Variants in AKR1C3 observed in about 807,000 individuals in gnomAD.
AKR1C3 encodes the protein aldo-keto reductase family 1 member C3, also known as 3-alpha hydroxysteroid dehydrogenase, type II.
Under a neutral mutation model 43.6 loss-of-function variants are expected in AKR1C3, and 48 were observed. That is an observed-to-expected ratio of 1.10 (90% CI 0.87 to 1.40). The LOEUF is 1.40. AKR1C3 is among the 40% of genes most tolerant of loss of function. The probability of loss-of-function intolerance (pLI) is 0.00; values close to 1 mark genes in which losing one functional copy is unlikely to be tolerated. For missense variants in AKR1C3, 482 were observed against 391.2 expected (o/e 1.23, Z -1.96); for synonymous variants, 162 against 139.6 (o/e 1.16, Z -1.13).
At chr10:5,105,267 G>T (rs377658725) in intron 7 of AKR1C3, 2 of 187,040 alleles carry the variant, frequency 1.1e-5, no homozygotes, top group East Asian at 2.6e-4. Flanking sequence ...GATTCTTGTG[G>T]GCCTTCTAGG....
chr10:5,098,747 C>T, intron 3 of AKR1C3, 55 bp from the exon 4 acceptor site: 1 of 1,449,196 alleles, frequency 6.9e-7, no homozygotes, highest in Non-Finnish European at 9.7e-7. Flanking sequence ...GGGGTTACAG[C>T]TATGAGTGGA....
intron 5 of AKR1C3, chr10:5,099,656 C>G (rs1396367156): frequency 2.4e-6 from 2 of 849,416 alleles, no homozygotes; most frequent in Non-Finnish European, 1.8e-6. Flanking sequence ...GAGTTTAATG[C>G]TGAATCGTGT....
chr10:5,083,992 A>C (rs1345973360), intron 1 of AKR1C3, among the ~76,000 whole-genome samples: 1 of 152,102 alleles, frequency 6.6e-6, no homozygotes, highest in East Asian at 1.9e-4. Flanking sequence ...TTTGTCAGAT[A>C]AGTAGGCTGC....
intron 1 of AKR1C3, among the ~76,000 whole-genome samples, chr10:5,062,903 A>G (rs1252281115): frequency 1.3e-5 from 2 of 151,898 alleles, no homozygotes; most frequent in Non-Finnish European, 2.9e-5. Context: ...TAATTTCTCA[A>G]AGCTCAACAC....
At chr10:5,068,643 C>T (rs1037827257) in intron 1 of AKR1C3, among the ~76,000 whole-genome samples, 6 of 152,086 alleles carry the variant, frequency 3.9e-5, no homozygotes, top group Non-Finnish European at 5.9e-5. Context: ...AAGTTGTGTT[C>T]TGATAAGATT....
intron 1 of AKR1C3, among the ~76,000 whole-genome samples, chr10:5,059,353 AG>A (rs1564353897): frequency 6.6e-6 from 1 of 152,210 alleles, no homozygotes. Flanking sequence ...TTTAGGACCC[AG>A]GGGGCAAGGG....
chr10:5,071,372 C>T (rs1217262489), intron 1 of AKR1C3, among the ~76,000 whole-genome samples: 1 of 152,162 alleles, frequency 6.6e-6, no homozygotes, highest in Non-Finnish European at 1.5e-5. Context: ...TCCCTCTCTA[C>T]ATAATGAGAG....
intron 1 of AKR1C3, among the ~76,000 whole-genome samples, chr10:5,061,294 A>G (rs1301469185): frequency 1.3e-5 from 2 of 152,218 alleles, no homozygotes; most frequent in African/African-American, 4.8e-5. Flanking sequence ...GGTGACAGGT[A>G]TATATCAGTG....
intron 1 of AKR1C3, among the ~76,000 whole-genome samples, chr10:5,095,839 T>C (rs970003282): frequency 6.6e-6 from 1 of 152,082 alleles, no homozygotes; most frequent in Non-Finnish European, 1.5e-5. Context: ...GTAGCCAGAA[T>C]GACTATGCAG....
chr10:5,080,157 C>T (rs1191371572), intron 1 of AKR1C3, among the ~76,000 whole-genome samples: 7 of 126,736 alleles, frequency 5.5e-5, no homozygotes, highest in East Asian at 4.8e-4. Flanking sequence ...CCGGTAAGAG[C>T]GTCTGGTTAA....
chr10:5,102,508 T>C lies in AKR1C3; in HGVS notation c.704T>C (p.Leu235Pro), dbSNP rs375669431. 73 of 1,568,020 alleles carry C rather than the reference T, an allele frequency of 4.7e-5. No individual in the cohort carries two copies. Among genetic ancestry groups the C allele is most frequent in the Non-Finnish European group, 5.7e-5 (66 of 1,158,588 alleles). ...KRWVDPNSPVLLEDPVLCALA... is the reference protein window; with the variant it reads ...KRWVDPNSPVPLEDPVLCALA... The stretch of plus-strand genomic sequence containing the variant: ...AGGGTGGACCCGAACTCCCCGGTGC[T>C]CTTGGAGGACCCAGTCCTTTGTGCC... Residue 235 changes from leucine to proline, a missense_variant, in exon 7 of 9, where the codon CTC becomes CCC. By Grantham distance (98) the Leu-to-Pro change is moderately conservative (BLOSUM62 -3). Transcript: ENST00000380554.
chr10:5,077,196 G>A (rs548960910), intron 1 of AKR1C3, among the ~76,000 whole-genome samples: 1 of 152,174 alleles, frequency 6.6e-6, no homozygotes, highest in Non-Finnish European at 1.5e-5. Context: ...GAGTTTTGAG[G>A]AGCAAAGAAC....
At chr10:5,104,552 T>G (rs201082891) in intron 7 of AKR1C3, among the ~76,000 whole-genome samples, 3 of 152,176 alleles carry the variant, frequency 2.0e-5, no homozygotes, top group African/African-American at 7.2e-5. Context: ...TGATAATATC[T>G]TGATTATTCT....
At chr10:5,080,046 CA>C (rs1368810669) in intron 1 of AKR1C3, among the ~76,000 whole-genome samples, 9 of 152,130 alleles carry the variant, frequency 5.9e-5, no homozygotes, top group African/African-American at 1.9e-4. Flanking sequence ...AGGAATTGTG[CA>C]CGGCCTCTAT....
intron 8 of AKR1C3, 96 bp downstream of exon 8, chr10:5,105,773 C>A (rs1839486397): frequency 1.1e-6 from 1 of 898,988 alleles, no homozygotes; most frequent in Non-Finnish European, 1.8e-6. Context: ...GGGACAGAGG[C>A]CAATGTGAGT....
At chr10:5,055,588 T>C (rs1415346960) in intron 1 of AKR1C3, among the ~76,000 whole-genome samples, 1 of 152,322 alleles carries the variant, frequency 6.6e-6, no homozygotes, top group East Asian at 1.9e-4. Context: ...TGCTACTACA[T>C]TAATTTCCTT....
Position 5,096,413 on chromosome 10 carries a change from C to G in AKR1C3, c.88C>G (p.Pro30Ala). The G allele has an allele frequency of 1.9e-6, 3 of 1,612,702 alleles. No homozygotes were observed. The highest frequency in any genetic ancestry group is 1.7e-6 in the Non-Finnish European group (2 of 1,179,144). Reference protein sequence around the residue: ...GFGTYAPPEVPRSKALEVTKL... With the variant: ...GFGTYAPPEVARSKALEVTKL... ...CTACCTTTGGTTGCTCCTCCAGGTT[C>G]CGAGAAGTAAAGCTTTGGAGGTCAC... The change falls in exon 2 of 9, where the codon CCG becomes GCG. Residue 30 changes from proline (P) to alanine (A), a missense_variant. Physicochemically the swap from Pro to Ala is conservative, Grantham distance 27. Coordinates refer to ENST00000380554, the MANE Select transcript of AKR1C3 (RefSeq NM_003739.6).
chr10:5,107,167 A>T (rs587686621), intron 8 of AKR1C3, among the ~76,000 whole-genome samples: 8 of 152,262 alleles, frequency 5.3e-5, no homozygotes, highest in African/African-American at 1.9e-4. Context: ...AAAGTAACAA[A>T]AGAAAGTATA....
chr10:5,094,147 AATAATTTAAT>A, upstream of AKR1C3: 1 of 202,838 alleles, frequency 4.9e-6, no homozygotes, highest in Admixed American at 5.6e-5. Flanking sequence ...AATCCTTTTG[AATAATTTAAT>A]ATAGAGATTT....
Sources: gnomAD v4.1 joint callset for allele counts (sites outside exome capture counted in the v4.1 genomes callset) on GRCh38, gnomAD v4.1.1 for gene constraint, MANE v1.5 for transcripts, NCBI Gene and HGNC (gene_info 2026-07-23, HGNC 2026-07-21) for gene names.